Variants in NPRL3 observed in about 807,000 individuals in gnomAD.
The protein encoded by NPRL3 is NPR3 like, GATOR1 complex subunit.
NPRL3 carries 23 observed loss-of-function variants against 57.2 expected under a neutral mutation model. The ratio of observed to expected loss-of-function variants is 0.40; its 90% CI spans 0.29 to 0.57. The LOEUF is 0.57. NPRL3 is among the 20% of genes least tolerant of loss of function. The pLI is 0.42. For missense variants in NPRL3, 691 were observed against 767.1 expected (o/e 0.90, Z 1.17); for synonymous variants, 333 against 321.1 (o/e 1.04, Z -0.39).
rs570215430 is a variant in NPRL3 at position 135,011 on chromosome 16, A to G, written c.118+3139T>C. On this transcript the variant is annotated intron_variant, in intron 2 of 13. Transcript: ENST00000611875. ...CCACCGCGCCCGGCCAAGTCACAGT[A>G]ATTATTATGGAACCTACACATAGAT... Among the ~76,000 whole-genome samples the G allele has an allele frequency of 5.1e-4, 78 of 152,284 alleles. 1 individual carries two copies. The South Asian group carries it at 0.016, about 32-fold the overall frequency.
At chr16:128,176 G>C (rs1167391172) in intron 3 of NPRL3, among the ~76,000 whole-genome samples, 5 of 152,254 alleles carry the variant, frequency 3.3e-5, no homozygotes, top group Non-Finnish European at 7.4e-5. Context: ...ATTTTTAGTA[G>C]AGGTAGGGTT....
chr16:108,891 C>T (rs1294569085), intron 7 of NPRL3, among the ~76,000 whole-genome samples: 9 of 151,458 alleles, frequency 5.9e-5, no homozygotes, highest in Non-Finnish European at 8.8e-5. Context: ...AGGCTGGTCT[C>T]GAACTCCTGA....
Position 85,722 on chromosome 16 carries a change from G to A in NPRL3, c.*983C>T. ...AAACCCCTCCGCTTCTATGTCCGGG[G>A]CAGCCCCTGGGTCAGTGTGGTCGAC... On this transcript the variant is annotated 3_prime_UTR_variant, in exon 14 of 14. Coordinates refer to ENST00000611875, the MANE Select transcript of NPRL3 (RefSeq NM_001077350.3). The A allele has an allele frequency of 6.5e-7, 1 of 1,531,702 alleles. No individual in the cohort carries two copies. Among genetic ancestry groups the A allele is most frequent in the Non-Finnish European group, 8.8e-7 (1 of 1,136,674 alleles). 94.9% of individuals were successfully genotyped at this position (1,531,702 alleles called of 1,614,324 possible).
chr16:85,713 A>G lies in NPRL3; in HGVS notation c.*992T>C, dbSNP rs1052869819. The G allele has an allele frequency of 4.5e-5, 69 of 1,536,572 alleles. No homozygotes were observed. Among genetic ancestry groups the G allele is most frequent in the Non-Finnish European group, 5.8e-5 (66 of 1,138,680 alleles). ...TGGGCCCGGAAACCCCTCCGCTTCT[A>G]TGTCCGGGGCAGCCCCTGGGTCAGT... On this transcript the variant is annotated 3_prime_UTR_variant, in exon 14 of 14. Coordinates refer to ENST00000611875, the MANE Select transcript of NPRL3 (RefSeq NM_001077350.3).
rs144545863 is a variant in NPRL3, at chr16:103,749, C to T, written c.630-3240G>A. 3.2e-3 allele frequency among the ~76,000 whole-genome samples: 491 copies of T among 152,288 alleles called. 1 individual carries two copies. The highest frequency in any genetic ancestry group is 5.1e-3 in the Non-Finnish European group (347 of 68,024). On this transcript the variant is annotated intron_variant, in intron 7 of 13. Coordinates refer to ENST00000611875, the MANE Select transcript of NPRL3 (RefSeq NM_001077350.3). ...AATCCCAAAACCTGGGAGGCCGAGG[C>T]AGGCCGATCACTTGAGGTCAGGAGT...
At chr16:87,539 CT>C (rs35209663) in intron 13 of NPRL3, among the ~76,000 whole-genome samples, 16 of 145,740 alleles carry the variant, frequency 1.1e-4, no homozygotes, top group East Asian at 4.2e-4. Flanking sequence ...GCCCAGCCTG[CT>C]TTTTTTTTTT....
intron 3 of NPRL3, among the ~76,000 whole-genome samples, chr16:121,238 C>T (rs969530133): frequency 1.3e-5 from 2 of 152,148 alleles, no homozygotes; most frequent in Admixed American, 6.5e-5. Flanking sequence ...AACTTCAAGG[C>T]GCCCTCACAA....
chr16:122,945 G>T (rs546842585), intron 3 of NPRL3, among the ~76,000 whole-genome samples: 30 of 152,198 alleles, frequency 2.0e-4, no homozygotes, highest in Non-Finnish European at 2.9e-4. Context: ...AAGGGGAATG[G>T]AAGAGTCGCC....
chr16:114,799 C>A (rs1899958632), intron 5 of NPRL3, among the ~76,000 whole-genome samples: 1 of 152,038 alleles, frequency 6.6e-6, no homozygotes, highest in Admixed American at 6.6e-5. Context: ...ATACAGATAT[C>A]TTCTGAAGTA....
chr16:86,378 G>A lies in NPRL3; in HGVS notation c.*327C>T, dbSNP rs141226515. The A allele has an allele frequency of 2.0e-4, 60 of 304,714 alleles. No individual in the cohort carries two copies. Among genetic ancestry groups the A allele is most frequent in the Middle Eastern group, 1.0e-3 (1 of 984 alleles). The allele number at this position is 304,714 out of a possible 1,614,324, so 18.9% of individuals were successfully genotyped here. A position where few individuals can be genotyped will look rare whatever the true frequency, so the allele number is the denominator to read the frequency against. On this transcript the variant is annotated 3_prime_UTR_variant, in exon 14 of 14. Transcript: ENST00000611875. Reference sequence around the variant, plus strand: ...GGGACAGAAGGAGGGTCTGAGAAACGCACAGCCCACATGGGCCTTGAAGGA... The same window carrying A: ...GGGACAGAAGGAGGGTCTGAGAAACACACAGCCCACATGGGCCTTGAAGGA...
In NPRL3 at chr16:138,141, C is replaced by A; in HGVS notation, c.118+9G>T. The A allele has an allele frequency of 1.3e-6, 2 of 1,588,934 alleles. No individual in the cohort carries two copies. The highest frequency in any genetic ancestry group is 1.7e-6 in the Non-Finnish European group (2 of 1,167,816). ...GCGAGCGCCAGGCCCCCGCCCAGCG[C>A]TCACTTACTTGTCTGGGACGCCGGG... On this transcript the variant is annotated intron_variant, in intron 2 of 13. Transcript: ENST00000611875.
chr16:115,781 C>T (rs951082873), intron 5 of NPRL3, among the ~76,000 whole-genome samples: 4 of 152,204 alleles, frequency 2.6e-5, no homozygotes, highest in Non-Finnish European at 4.4e-5. Context: ...CATTTGTGCT[C>T]GGCTCCGGTT....
rs780415433 is a variant in NPRL3, at chr16:98,129, G to A, written c.924+16C>T. Reference sequence around the variant, plus strand: ...GCACCGCCACATGCCACCCATCTGGGCCTCCAGAGCTATACCTGCAGCAAG... The same window carrying A: ...GCACCGCCACATGCCACCCATCTGGACCTCCAGAGCTATACCTGCAGCAAG... On this transcript the variant is annotated intron_variant, in intron 9 of 13. Coordinates refer to ENST00000611875, the MANE Select transcript of NPRL3 (RefSeq NM_001077350.3). 6.2e-7 allele frequency: 1 copy of A among 1,610,088 alleles called. No individual in the cohort carries two copies. The highest frequency in any genetic ancestry group is 2.2e-5 in the East Asian group (1 of 44,826).
chr16:133,510 A>G (rs1900911255), intron 2 of NPRL3, among the ~76,000 whole-genome samples: 2 of 149,276 alleles, frequency 1.3e-5, no homozygotes, highest in Admixed American at 1.3e-4. Context: ...GATTACAGGC[A>G]TGAGCCACTG....
At chr16:108,036 G>T (rs190332723) in intron 7 of NPRL3, among the ~76,000 whole-genome samples, 3 of 152,254 alleles carry the variant, frequency 2.0e-5, no homozygotes, top group African/African-American at 7.2e-5. Context: ...TGACCACAAA[G>T]GTCCCATTCT....
At chr16:123,948 AG>A (rs11284029) in intron 3 of NPRL3, among the ~76,000 whole-genome samples, 11,193 of 11,554 alleles carry the variant, frequency 0.97, 5,547 homozygotes, top group Middle Eastern at 1. Flanking sequence ...GTTGAGAAAC[AG>A]GATCACACAC....
intron 13 of NPRL3, among the ~76,000 whole-genome samples, chr16:88,380 T>C (rs1596494496): frequency 2.3e-5 from 2 of 87,778 alleles, no homozygotes; most frequent in African/African-American, 6.6e-5. Context: ...AGAGCGAGAC[T>C]CCGTCTCAAA....
intron 5 of NPRL3, 68 bp downstream of exon 5, chr16:117,233 T>C (rs1015687752): frequency 5.2e-6 from 6 of 1,149,382 alleles, no homozygotes; most frequent in African/African-American, 3.1e-5. Context: ...GACACGCTCG[T>C]TGGAAAAAAA....
At chr16:107,451 C>T (rs1347544867) in intron 7 of NPRL3, among the ~76,000 whole-genome samples, 1 of 152,114 alleles carries the variant, frequency 6.6e-6, no homozygotes, top group African/African-American at 2.4e-5. Flanking sequence ...CGAGACCAGC[C>T]TGGCCAATAT....
Sources: allele counts gnomAD v4.1 joint callset (sites outside exome capture counted in the v4.1 genomes callset), GRCh38; gene constraint gnomAD v4.1.1; transcripts MANE v1.5; gene names NCBI Gene and HGNC (gene_info 2026-07-23, HGNC 2026-07-21).